The following CFAP20DC variants were observed in gnomAD, a reference collection of about 807,000 sequenced individuals.
CFAP20DC encodes the protein CFAP20 domain containing.
A neutral mutation model predicts 101.7 loss-of-function variants in CFAP20DC; 84 were observed. That is an observed-to-expected ratio of 0.83 (90% confidence interval 0.69 to 0.99). CFAP20DC has a LOEUF of 0.99. Ranked by LOEUF, CFAP20DC falls within the 50% of genes least tolerant of loss-of-function variation. The pLI is 0.00. For synonymous variants in CFAP20DC, 359 were observed against 351.2 expected (o/e 1.02, Z -0.25); for missense variants, 1,007 against 970.3 (o/e 1.04, Z -0.50).
chr3:58,931,622 C>G (rs918854429), intron 5 of CFAP20DC, among the ~76,000 whole-genome samples: 1 of 152,220 alleles, frequency 6.6e-6, no homozygotes, highest in Non-Finnish European at 1.5e-5. Flanking sequence ...TCATGAAAAT[C>G]TGCTGTTCTG....
intron 11 of CFAP20DC, 135 bp downstream of exon 11, chr3:58,866,431 A>G (rs765248520): frequency 6.1e-6 from 4 of 654,374 alleles, no homozygotes; most frequent in Non-Finnish European, 9.8e-6. Context: ...GAGGTTAAAT[A>G]AGAAGATTTA....
chr3:58,834,050 C>T (rs142091821), intron 13 of CFAP20DC, among the ~76,000 whole-genome samples: 15 of 152,130 alleles, frequency 9.9e-5, no homozygotes, highest in East Asian at 3.9e-4. Context: ...GAAAGGGAAA[C>T]GGGAAGTGAC....
At chr3:58,854,923 T>C (rs2078626104) in intron 12 of CFAP20DC, among the ~76,000 whole-genome samples, 2 of 144,628 alleles carry the variant, frequency 1.4e-5, no homozygotes, top group African/African-American at 2.6e-5. Context: ...GACATAGGCA[T>C]GGGCAAGGAC....
At position 58,742,545 on chromosome 3, in the gene CFAP20DC, T is replaced by A; in HGVS notation, c.2360A>T (p.Asp787Val). ...ATACAACAAAGTCAGTACTTCCTCG[T>A]CCTCTTCCACACTGAGGTCTTCTTC... ...QGEEDLSVEE[D>V]EEVLTLLYDP... is the part of the protein sequence containing the mutation. Residue 787 changes from aspartate (D) to valine (V), a missense_variant, in exon 17 of 17, where the codon GAC (aspartate) becomes GTC (valine). Asp to Val is a radical substitution (Grantham distance 152, BLOSUM62 -3). Coordinates refer to ENST00000482387, the MANE Select transcript of CFAP20DC (RefSeq NM_001394063.1). The A allele has an allele frequency of 6.2e-7, 1 of 1,606,850 alleles. No individual in the cohort carries two copies. The highest frequency in any genetic ancestry group is 8.5e-7 in the Non-Finnish European group (1 of 1,176,524).
At chr3:58,792,749 C>T in intron 15 of CFAP20DC, among the ~76,000 whole-genome samples, 1 of 150,968 alleles carries the variant, frequency 6.6e-6, no homozygotes, top group Non-Finnish European at 1.5e-5. Context: ...AGTTCAACTA[C>T]AAAACTAAAA....
chr3:58,778,644 T>C (rs2071553088), intron 15 of CFAP20DC, among the ~76,000 whole-genome samples: 2 of 152,192 alleles, frequency 1.3e-5, no homozygotes, highest in Non-Finnish European at 2.9e-5. Flanking sequence ...GTAAGCCACT[T>C]AGAGGCCCAA....
At chr3:58,815,601 C>A (rs969228797) in intron 14 of CFAP20DC, among the ~76,000 whole-genome samples, 6 of 151,518 alleles carry the variant, frequency 4.0e-5, no homozygotes, top group African/African-American at 1.2e-4. Flanking sequence ...ATTTTCACAA[C>A]CTGCTCATCT....
At chr3:58,778,292 C>T (rs2071518645) in intron 15 of CFAP20DC, among the ~76,000 whole-genome samples, 1 of 152,156 alleles carries the variant, frequency 6.6e-6, no homozygotes, top group Admixed American at 6.5e-5. Flanking sequence ...CCCAGCCTGG[C>T]TTTACAACCC....
intron 15 of CFAP20DC, among the ~76,000 whole-genome samples, chr3:58,756,013 A>G (rs1259697511): frequency 1.3e-5 from 2 of 152,212 alleles, no homozygotes; most frequent in African/African-American, 4.8e-5. Context: ...ATAAAAATGT[A>G]TGGGAATACA....
At chr3:58,837,415 A>C (rs569641421) in intron 13 of CFAP20DC, among the ~76,000 whole-genome samples, 75 of 152,326 alleles carry the variant, frequency 4.9e-4, no homozygotes, top group African/African-American at 1.7e-3. Flanking sequence ...AGAAGAGTAC[A>C]TATTGGTAAA....
In CFAP20DC at chr3:58,870,626, C is replaced by T. The variant is rs1225409444; in HGVS notation, c.716-317G>A. Among the ~76,000 whole-genome samples, 9 of 150,862 alleles carry T rather than the reference C, an allele frequency of 6.0e-5. No homozygotes were observed. The East Asian group carries it at 7.8e-4, about 13-fold the overall frequency. Reference sequence around the variant, plus strand: ...AGAAAGGGCCGGGCGCGGTGGCTCACGCCTGTAATCCCAGCACTTTGGGAG... The same window carrying T: ...AGAAAGGGCCGGGCGCGGTGGCTCATGCCTGTAATCCCAGCACTTTGGGAG... On this transcript the variant is annotated intron_variant, in intron 7 of 16. Transcript: ENST00000482387.
At chr3:59,026,692 T>C (rs1448741073) in intron 4 of CFAP20DC, among the ~76,000 whole-genome samples, 1 of 152,194 alleles carries the variant, frequency 6.6e-6, no homozygotes, top group Non-Finnish European at 1.5e-5. Context: ...TTACTTAGTT[T>C]AAAGTTTCAA....
At chr3:58,771,415 A>C (rs1362849473) in intron 15 of CFAP20DC, among the ~76,000 whole-genome samples, 3 of 152,094 alleles carry the variant, frequency 2.0e-5, no homozygotes, top group Admixed American at 6.6e-5. Flanking sequence ...ACAAAAAAAA[A>C]CAAGCAAAAA....
intron 3 of CFAP20DC, 44 bp from the exon 4 acceptor site, chr3:59,039,673 A>G (rs1420143262): frequency 4.2e-6 from 5 of 1,186,316 alleles, no homozygotes; most frequent in African/African-American, 1.5e-5. Context: ...CGAAGCATTT[A>G]TATGTGCATA....
chr3:58,983,158 A>T (rs966600855), intron 4 of CFAP20DC, among the ~76,000 whole-genome samples: 2 of 152,158 alleles, frequency 1.3e-5, no homozygotes, highest in African/African-American at 4.8e-5. Context: ...TGTTTTAAGA[A>T]ATTCTTTGCC....
chr3:58,857,942 G>A (rs2078969465), intron 12 of CFAP20DC, among the ~76,000 whole-genome samples: 1 of 152,088 alleles, frequency 6.6e-6, no homozygotes, highest in African/African-American at 2.4e-5. Flanking sequence ...GGCTCAACAT[G>A]TTCTGGGATG....
At chr3:58,845,137 G>C (rs1265625263) in intron 13 of CFAP20DC, among the ~76,000 whole-genome samples, 1 of 150,754 alleles carries the variant, frequency 6.6e-6, no homozygotes, top group African/African-American at 2.5e-5. Flanking sequence ...TCAAAAGCTA[G>C]CAGAAGGCGA....
intron 6 of CFAP20DC, among the ~76,000 whole-genome samples, chr3:58,901,153 C>T (rs1162628322): frequency 1.3e-5 from 2 of 152,170 alleles, no homozygotes. Flanking sequence ...TGGAATTTCA[C>T]CTCTCTGAAA....
At chr3:58,919,822 A>C (rs966316827) in intron 5 of CFAP20DC, among the ~76,000 whole-genome samples, 3 of 152,182 alleles carry the variant, frequency 2.0e-5, no homozygotes, top group Non-Finnish European at 4.4e-5. Flanking sequence ...GTATAGAAAT[A>C]CAACTGATTT....
Sources: gnomAD v4.1 joint callset for allele counts (sites outside exome capture counted in the v4.1 genomes callset) on GRCh38, gnomAD v4.1.1 for gene constraint, MANE v1.5 for transcripts, NCBI Gene and HGNC (gene_info 2026-07-23, HGNC 2026-07-21) for gene names.